The following ZNF608 variants were observed in gnomAD, a reference collection of about 807,000 sequenced individuals.
The protein encoded by ZNF608 is zinc finger protein 608.
Under a neutral mutation model 109.0 loss-of-function variants are expected in ZNF608, and 12 were observed. The ratio of observed to expected loss-of-function variants is 0.11; its 90% CI spans 0.07 to 0.18. ZNF608 has a LOEUF of 0.18. ZNF608 is among the 10% of genes least tolerant of loss of function. The pLI, the probability that ZNF608 is intolerant of heterozygous loss-of-function variation, is 1.00. For missense variants in ZNF608, 1,707 were observed against 1,879.3 expected (o/e 0.91, Z 1.70); for synonymous variants, 732 against 717.4 (o/e 1.02, Z -0.33).
intron 2 of ZNF608, among the ~76,000 whole-genome samples, chr5:124,713,151 T>C (rs1339449445): frequency 2.0e-5 from 3 of 152,212 alleles, no homozygotes; most frequent in Non-Finnish European, 4.4e-5. Context: ...TCTCTCTCCT[T>C]CCCTTCTCTC....
rs1008720444 is a variant in ZNF608, at chr5:124,647,734, C to T, written c.2650G>A (p.Asp884Asn). 4.3e-6 allele frequency: 7 copies of T among 1,614,148 alleles called. No individual in the cohort carries two copies. Among genetic ancestry groups the T allele is most frequent in the East Asian group, 2.2e-5 (1 of 44,876 alleles). The change falls in exon 5 of 10, where the codon GAT becomes AAT. Residue 884 changes from aspartate to asparagine, a missense_variant. Physicochemically the swap from Asp to Asn is conservative, Grantham distance 23. Coordinates refer to ENST00000513986, the MANE Select transcript of ZNF608 (RefSeq NM_020747.3). Reference sequence around the variant, plus strand: ...TTGTCTGTGAAAGTGTAAACCTTATCGGCCTCAGCTTTGATACTGGCCATG... The same window carrying T: ...TTGTCTGTGAAAGTGTAAACCTTATTGGCCTCAGCTTTGATACTGGCCATG... ...SRMASIKAEA[D>N]KVYTFTDNAP...
intron 3 of ZNF608, among the ~76,000 whole-genome samples, chr5:124,664,754 TATAAATA>T (rs1751407892): frequency 6.6e-6 from 1 of 152,204 alleles, no homozygotes; most frequent in South Asian, 2.1e-4. Flanking sequence ...TAAACTTATT[TATAAATA>T]ACACAGTGTC....
intron 2 of ZNF608, among the ~76,000 whole-genome samples, chr5:124,717,793 G>A (rs766653460): frequency 1.3e-5 from 2 of 152,116 alleles, no homozygotes; most frequent in Non-Finnish European, 2.9e-5. Flanking sequence ...ATGTGCATGC[G>A]ACATGCAACC....
chr5:124,656,577 A>G (rs1490076487), intron 3 of ZNF608, among the ~76,000 whole-genome samples: 4 of 152,136 alleles, frequency 2.6e-5, no homozygotes, highest in Admixed American at 2.6e-4. Flanking sequence ...TCTAAACCCA[A>G]TCCACATACA....
At chr5:124,743,763 A>T (rs151128036) in intron 2 of ZNF608, among the ~76,000 whole-genome samples, 5 of 152,298 alleles carry the variant, frequency 3.3e-5, no homozygotes, top group Non-Finnish European at 5.9e-5. Context: ...GCACACGGCA[A>T]CCTGCTGACT....
At chr5:124,683,014 G>GTC (rs70991636) in intron 3 of ZNF608, among the ~76,000 whole-genome samples, 1,687 of 149,028 alleles carry the variant, frequency 0.011, 37 homozygotes, top group African/African-American at 0.036. Flanking sequence ...TGGGTGCTCT[G>GTC]TCTCTCTCTC....
intron 3 of ZNF608, among the ~76,000 whole-genome samples, chr5:124,690,388 T>G (rs1027813719): frequency 6.6e-6 from 1 of 152,206 alleles, no homozygotes; most frequent in African/African-American, 2.4e-5. Flanking sequence ...GGTGATGGTG[T>G]GTCAATTAGA....
At chr5:124,672,663 G>A (rs1485305294) in intron 3 of ZNF608, among the ~76,000 whole-genome samples, 4 of 152,134 alleles carry the variant, frequency 2.6e-5, no homozygotes, top group Non-Finnish European at 5.9e-5. Context: ...TCATCTCATA[G>A]TACCAATAAA....
intron 5 of ZNF608, among the ~76,000 whole-genome samples, chr5:124,645,406 G>A (rs1750450932): frequency 6.6e-6 from 1 of 152,154 alleles, no homozygotes; most frequent in Non-Finnish European, 1.5e-5. Flanking sequence ...AATCCTAAAT[G>A]GCCTTTGTGA....
chr5:124,706,797 G>A (rs1323522792), intron 2 of ZNF608, among the ~76,000 whole-genome samples: 1 of 152,176 alleles, frequency 6.6e-6, no homozygotes, highest in Non-Finnish European at 1.5e-5. Flanking sequence ...GAAAGTTAAT[G>A]TCAAGAACAG....
chr5:124,678,006 G>C (rs1199596300), intron 3 of ZNF608, among the ~76,000 whole-genome samples: 2 of 152,020 alleles, frequency 1.3e-5, no homozygotes, highest in Non-Finnish European at 2.9e-5. Flanking sequence ...TTTACTGCAG[G>C]CTCTTAATTC....
chr5:124,704,759 G>A (rs1341551857), intron 2 of ZNF608, among the ~76,000 whole-genome samples: 1 of 152,104 alleles, frequency 6.6e-6, no homozygotes, highest in African/African-American at 2.4e-5. Flanking sequence ...GAATGCTGGA[G>A]TTTGTGCTTC....
At chr5:124,667,543 A>G (rs1453295694) in intron 3 of ZNF608, among the ~76,000 whole-genome samples, 1 of 152,216 alleles carries the variant, frequency 6.6e-6, no homozygotes, top group Non-Finnish European at 1.5e-5. Context: ...AGGGTCTTCG[A>G]TGTTGAAATT....
chr5:124,706,103 T>G (rs182078232), intron 2 of ZNF608, among the ~76,000 whole-genome samples: 15 of 152,302 alleles, frequency 9.8e-5, no homozygotes, highest in African/African-American at 3.4e-4. Flanking sequence ...CAAAGGAACT[T>G]TCATGGTGGC....
At chr5:124,730,418 T>C (rs909602805) in intron 2 of ZNF608, among the ~76,000 whole-genome samples, 22 of 152,346 alleles carry the variant, frequency 1.4e-4, no homozygotes, top group African/African-American at 4.6e-4. Context: ...GCTATAGATA[T>C]TACAAAATTT....
chr5:124,699,529 C>A (rs1752969180), intron 3 of ZNF608, among the ~76,000 whole-genome samples: 2 of 152,336 alleles, frequency 1.3e-5, no homozygotes, highest in South Asian at 2.1e-4. Context: ...TCTGAGCAAA[C>A]AAAAGCTGAC....
intron 3 of ZNF608, among the ~76,000 whole-genome samples, chr5:124,694,708 C>T (rs1021555446): frequency 3.3e-5 from 5 of 151,824 alleles, no homozygotes; most frequent in African/African-American, 1.2e-4. Flanking sequence ...TCTCCTAATG[C>T]TATCCCTCCC....
intron 3 of ZNF608, among the ~76,000 whole-genome samples, chr5:124,691,001 A>C (rs372417542): frequency 6.6e-6 from 1 of 151,328 alleles, no homozygotes; most frequent in Non-Finnish European, 1.5e-5. Flanking sequence ...TTTTTACACA[A>C]TTTTTCATTG....
At chr5:124,738,406 C>G (rs1381925084) in intron 2 of ZNF608, among the ~76,000 whole-genome samples, 1 of 152,144 alleles carries the variant, frequency 6.6e-6, no homozygotes, top group Non-Finnish European at 1.5e-5. Context: ...AAGCAAAACC[C>G]TTGATGTTCA....
Sources: gnomAD v4.1 joint callset for allele counts (sites outside exome capture counted in the v4.1 genomes callset) on GRCh38, gnomAD v4.1.1 for gene constraint, MANE v1.5 for transcripts, NCBI Gene and HGNC (gene_info 2026-07-23, HGNC 2026-07-21) for gene names.